ATP5F1C: variants seen among roughly 807,000 people sequenced by gnomAD.
ATP5F1C encodes ATP synthase F1 subunit gamma, also known as ATP synthase F(1) complex subunit gamma, mitochondrial.
In ATP5F1C, 22 loss-of-function variants were observed where a neutral mutation model predicts 37.4. The ratio of observed to expected loss-of-function variants is 0.59; its 90% CI spans 0.42 to 0.84. ATP5F1C has a LOEUF of 0.84. Among genes scored for constraint, ATP5F1C ranks in the 40% least tolerant of loss-of-function variants. The pLI, the probability that ATP5F1C is intolerant of heterozygous loss-of-function variation, is 0.00. For synonymous variants in ATP5F1C, 121 were observed against 128.0 expected (o/e 0.95, Z 0.37); for missense variants, 286 against 362.4 (o/e 0.79, Z 1.71).
chr10:7,796,947 C>T, intron 2 of ATP5F1C, 100 bp from the exon 3 acceptor site: 1 of 1,297,358 alleles, frequency 7.7e-7, no homozygotes, highest in Admixed American at 2.3e-5. Context: ...TATCTAAGCG[C>T]TCATTATTCT....
chr10:7,797,310 A>G (rs1836259616), intron 3 of ATP5F1C, 132 bp downstream of exon 3: 2 of 1,160,818 alleles, frequency 1.7e-6, no homozygotes, highest in East Asian at 5.0e-5. Flanking sequence ...TTTTTCATCT[A>G]CATCCACTTG....
chr10:7,804,659 G>C (rs1293640526), intron 8 of ATP5F1C, among the ~76,000 whole-genome samples: 1 of 152,158 alleles, frequency 6.6e-6, no homozygotes, highest in Non-Finnish European at 1.5e-5. Context: ...TGAGGAATTG[G>C]CTTTTTATTT....
At chr10:7,807,151 G>T in intron 9 of ATP5F1C, 141 bp downstream of exon 9, 1 of 689,076 alleles carries the variant, frequency 1.5e-6, no homozygotes, top group Non-Finnish European at 2.3e-6. Context: ...CAACTCACGG[G>T]AGCACCTGGG....
At chr10:7,788,321 G>A in intron 1 of ATP5F1C, 58 bp downstream of exon 1, 1 of 1,594,582 alleles carries the variant, frequency 6.3e-7, no homozygotes, top group South Asian at 1.1e-5. Context: ...GCTTGGGCAC[G>A]GGGCAGGGAG....
At chr10:7,805,636 A>G (rs1234442476) in intron 8 of ATP5F1C, among the ~76,000 whole-genome samples, 1 of 151,208 alleles carries the variant, frequency 6.6e-6, no homozygotes, top group East Asian at 1.9e-4. Flanking sequence ...AGTCCCAGCT[A>G]CTATGGAGGC....
intron 1 of ATP5F1C, among the ~76,000 whole-genome samples, chr10:7,792,504 A>G (rs1836178416): frequency 6.6e-6 from 1 of 152,184 alleles, no homozygotes; most frequent in South Asian, 2.1e-4. Flanking sequence ...ACTGCCCTAA[A>G]AATCCCTCCT....
chr10:7,791,967 A>C (rs1180380387), intron 1 of ATP5F1C, among the ~76,000 whole-genome samples: 2 of 152,232 alleles, frequency 1.3e-5, no homozygotes, highest in Non-Finnish European at 2.9e-5. Context: ...TATTCAATTC[A>C]AATTTATACC....
intron 1 of ATP5F1C, among the ~76,000 whole-genome samples, chr10:7,792,391 C>T (rs980813239): frequency 6.6e-6 from 1 of 152,014 alleles, no homozygotes; most frequent in South Asian, 2.1e-4. Flanking sequence ...GTCTTCAAAC[C>T]GCAAAAAACA....
chr10:7,802,896 C>G (rs752158606), intron 8 of ATP5F1C, 42 bp downstream of exon 8: 5 of 1,559,444 alleles, frequency 3.2e-6, no homozygotes. Flanking sequence ...ATTTTTTTTC[C>G]TCTTGCTGTG....
chr10:7,803,785 G>A (rs1374167285), intron 8 of ATP5F1C, among the ~76,000 whole-genome samples: 12 of 152,188 alleles, frequency 7.9e-5, no homozygotes, highest in Non-Finnish European at 1.5e-4. Flanking sequence ...AAACATACAA[G>A]TAATTGTGAT....
intron 7 of ATP5F1C, 37 bp downstream of exon 7, chr10:7,802,462 T>G: frequency 6.3e-7 from 1 of 1,578,736 alleles, no homozygotes; most frequent in Non-Finnish European, 8.6e-7. Context: ...GCAGGAGTGC[T>G]TGTGAGCACA....
chr10:7,791,648 G>A (rs986162285), intron 1 of ATP5F1C, among the ~76,000 whole-genome samples: 9 of 152,098 alleles, frequency 5.9e-5, no homozygotes, highest in African/African-American at 1.9e-4. Context: ...TTAGTCTCCC[G>A]AGGATCTCAG....
At chr10:7,795,564 A>G (rs1322758839) in intron 1 of ATP5F1C, among the ~76,000 whole-genome samples, 1 of 152,236 alleles carries the variant, frequency 6.6e-6, no homozygotes, top group Non-Finnish European at 1.5e-5. Context: ...CAAGGTAACA[A>G]TATGTCAGAG....
At chr10:7,807,384 T>A (rs1836503362) in intron 9 of ATP5F1C, among the ~76,000 whole-genome samples, 1 of 152,184 alleles carries the variant, frequency 6.6e-6, no homozygotes, top group African/African-American at 2.4e-5. Flanking sequence ...TTTGTTGTGA[T>A]GTCATGGATC....
intron 8 of ATP5F1C, chr10:7,804,272 T>A: frequency 4.0e-6 from 2 of 504,330 alleles, no homozygotes; most frequent in Non-Finnish European, 7.9e-6. Flanking sequence ...ACAAAATCCA[T>A]TCTCTGTTAT....
rs758991568 is a variant in ATP5F1C at position 7,788,228 on chromosome 10, C to A, written c.21C>A (p.Val7=). Residue 7 remains valine (V), a synonymous_variant, in exon 1 of 10, where the codon GTC becomes GTA. Coordinates refer to ENST00000356708, the MANE Select transcript of ATP5F1C (RefSeq NM_001001973.3). ...CTACCATGTTCTCTCGCGCGGGTGT[C>A]GCTGGGCTGTCGGCCTGGACCTTGC... is the stretch of plus-strand genomic sequence containing the variant. MFSRAG[V]AGLSAWTLQP... The A allele has an allele frequency of 4.3e-6, 7 of 1,613,552 alleles. No homozygotes were observed. In the South Asian group the frequency reaches 6.6e-5, roughly 15 times the overall value.
At position 7,799,082 on chromosome 10, in the gene ATP5F1C, A is replaced by C; in HGVS notation, c.316A>C (p.Ile106Leu). The C allele has an allele frequency of 6.2e-7, 1 of 1,613,598 alleles. No individual in the cohort carries two copies. Among genetic ancestry groups the C allele is most frequent in the Non-Finnish European group, 8.5e-7 (1 of 1,179,888 alleles). Residue 106 changes from isoleucine to leucine, a missense_variant, in exon 4 of 10, where the codon ATT becomes CTT. By Grantham distance (5) the Ile-to-Leu change is conservative. Coordinates refer to ENST00000356708, the MANE Select transcript of ATP5F1C (RefSeq NM_001001973.3). ...VSSDRGLCGAIHSSIAKQMKS... is the reference protein window; with the variant it reads ...VSSDRGLCGALHSSIAKQMKS... ...CTCAGATCGAGGACTGTGTGGTGCT[A>C]TTCATTCCTCCATTGCTAAACAGAT...
chr10:7,799,680 C>T (rs1180469930), intron 4 of ATP5F1C, 92 bp from the exon 5 acceptor site: 7 of 1,460,300 alleles, frequency 4.8e-6, no homozygotes, highest in Non-Finnish European at 6.5e-6. Flanking sequence ...AGACCTGATC[C>T]ATGGTGACAA....
At chr10:7,795,258 C>T (rs1013948569) in intron 1 of ATP5F1C, among the ~76,000 whole-genome samples, 4 of 152,038 alleles carry the variant, frequency 2.6e-5, no homozygotes, top group Non-Finnish European at 4.4e-5. Flanking sequence ...ATTCTGTTCC[C>T]GAGAATCCCC....
Sources: allele counts gnomAD v4.1 joint callset (sites outside exome capture counted in the v4.1 genomes callset), GRCh38; gene constraint gnomAD v4.1.1; transcripts MANE v1.5; gene names NCBI Gene and HGNC (gene_info 2026-07-23, HGNC 2026-07-21).